GRID2IP: variants seen among roughly 807,000 people sequenced by gnomAD.
GRID2IP encodes Grid2 interacting protein.
In GRID2IP, 78 loss-of-function variants were observed where a neutral mutation model predicts 114.3. The ratio of observed to expected loss-of-function variants is 0.68; its 90% CI spans 0.57 to 0.82. GRID2IP has a LOEUF of 0.82. GRID2IP is among the 40% of genes least tolerant of loss of function. The pLI, the probability that GRID2IP is intolerant of heterozygous loss-of-function variation, is 0.00. For missense variants in GRID2IP, 1,727 were observed against 1,678.5 expected (o/e 1.03, Z -0.51); for synonymous variants, 809 against 724.0 (o/e 1.12, Z -1.89).
chr7:6,522,807 ATG>A (rs72277817), intron 4 of GRID2IP, among the ~76,000 whole-genome samples: 50,473 of 147,408 alleles, frequency 0.34, 8,925 homozygotes, highest in Admixed American at 0.41. Flanking sequence ...CCTGGCTAAT[ATG>A]TGTGTGTGTG....
chr7:6,503,814 G>C, intron 15 of GRID2IP, 127 bp from the exon 16 acceptor site: 2 of 638,960 alleles, frequency 3.1e-6, no homozygotes, highest in Non-Finnish European at 2.5e-6. Flanking sequence ...GAGAGGACGG[G>C]GCCTTGAGGC....
chr7:6,551,248 C>G lies in GRID2IP; in HGVS notation c.189G>C (p.Glu63Asp). ...AGCGCCGTGCCAGGCGCACGAGGCG[C>G]TCGCGGCTCAGACCGCCCACCGCCA... The part of the protein sequence containing the change: ...EGLAVGGLSR[E>D]RLVRLARRCP... Residue 63 changes from glutamate to aspartate, a missense_variant, in exon 1 of 22, where the codon GAG becomes GAC. Glu to Asp is a conservative substitution (Grantham distance 45). Coordinates refer to ENST00000457091, the MANE Select transcript of GRID2IP (RefSeq NM_001145118.2). 2.0e-6 allele frequency: 3 copies of G among 1,532,948 alleles called. No homozygotes were observed. Among genetic ancestry groups the G allele is most frequent in the Non-Finnish European group, 2.6e-6 (3 of 1,144,926 alleles). The allele number at this position is 1,532,948 out of a possible 1,614,324, so 95.0% of individuals were successfully genotyped here.
At chr7:6,517,060 CT>C (rs762838622) in intron 7 of GRID2IP, among the ~76,000 whole-genome samples, 3,819 of 142,656 alleles carry the variant, frequency 0.027, 70 homozygotes, top group Middle Eastern at 0.043. Flanking sequence ...GTCTTTCTTT[CT>C]TTTTTTTTTT....
Position 6,520,639 on chromosome 7 carries a change from G to C in GRID2IP, c.1207C>G (p.Leu403Val). 1 of 1,551,740 alleles carries C rather than the reference G, an allele frequency of 6.4e-7. No homozygotes were observed. Among genetic ancestry groups the C allele is most frequent in the Non-Finnish European group, 8.7e-7 (1 of 1,147,000 alleles). Residue 403 changes from leucine (L) to valine (V), a missense_variant, in exon 7 of 22, where the codon CTA (leucine) becomes GTA (valine). Coordinates refer to ENST00000457091, the MANE Select transcript of GRID2IP (RefSeq NM_001145118.2). The surrounding 1 kb of genome is among the most constrained non-coding windows in gnomAD (Gnocchi z 4.6). ...CCATAGCGCTCAGGAGGTGTGAGTA[G>C]GTGCTCCAGCTGCTGGCTGAAGGTC... ...GRTFSQQLEH[L>V]LTPPERYGVC...
intron 20 of GRID2IP, among the ~76,000 whole-genome samples, chr7:6,500,511 A>G (rs1583330661): frequency 6.6e-6 from 1 of 152,300 alleles, no homozygotes; most frequent in East Asian, 1.9e-4. Flanking sequence ...GATGGGGGTG[A>G]AAAGCACCTT....
rs1786710892 is a variant in GRID2IP, at chr7:6,509,795, CTCG to C, written c.1771+485_1772-483del. ...CATTTATCCAATAACCACTTGCTAA[CTCG>C]GGGACTTCCTCAGAATCAGGCATCT... On this transcript the variant is annotated intron_variant, in intron 11 of 21. Transcript: ENST00000457091. The surrounding 1 kb of genome is among the most constrained non-coding windows in gnomAD (Gnocchi z 4.9). Among the ~76,000 whole-genome samples, 1 of 152,210 alleles carries C rather than the reference CTCG, an allele frequency of 6.6e-6. No homozygotes were observed. The highest frequency in any genetic ancestry group is 2.4e-5 in the African/African-American group (1 of 41,464).
intron 1 of GRID2IP, 26 bp downstream of exon 1, chr7:6,550,982 C>CCCCACCT: frequency 8.4e-7 from 1 of 1,192,360 alleles, no homozygotes; most frequent in Non-Finnish European, 1.0e-6. Context: ...TCCTTCCCGC[C>CCCCACCT]CCCACCTCCC....
intron 4 of GRID2IP, among the ~76,000 whole-genome samples, chr7:6,522,534 T>C (rs1021695394): frequency 2.6e-5 from 4 of 152,070 alleles, no homozygotes; most frequent in Non-Finnish European, 4.4e-5. Context: ...AGGGTCTTGC[T>C]GAAGTGCAGA....
In GRID2IP at chr7:6,512,231, C is replaced by CTTTTTTTTTTTTTTTTTTTTTTTTTT. The variant is rs1002835555; in HGVS notation, c.1424-1193_1424-1192insAAAAAAAAAAAAAAAAAAAAAAAAAA. 3.9e-4 allele frequency among the ~76,000 whole-genome samples: 35 copies of CTTTTTTTTTTTTTTTTTTTTTTTTTT among 90,202 alleles called. 5 individuals carry two copies. Among genetic ancestry groups the CTTTTTTTTTTTTTTTTTTTTTTTTTT allele is most frequent in the African/African-American group, 1.4e-3 (30 of 21,714 alleles). The allele number at this position is 90,202 out of a possible 152,430, so 59.2% of individuals were successfully genotyped here. A position where few individuals can be genotyped will look rare whatever the true frequency, so the allele number is the denominator to read the frequency against. On this transcript the variant is annotated intron_variant, in intron 8 of 21. Transcript: ENST00000457091. ...CACACCTGCCTTTTTTTCTTTTCTT[C>CTTTTTTTTTTTTTTTTTTTTTTTTTT]TTTTTTTTTTTTTTTTTTGTGACAG...
intron 20 of GRID2IP, among the ~76,000 whole-genome samples, chr7:6,499,742 T>C (rs540438416): frequency 2.7e-5 from 4 of 150,060 alleles, no homozygotes; most frequent in Non-Finnish European, 5.9e-5. Flanking sequence ...GCCTTCATTT[T>C]ATTTTTGAGA....
chr7:6,500,850 T>G (rs1267719581), intron 20 of GRID2IP, among the ~76,000 whole-genome samples: 1 of 152,212 alleles, frequency 6.6e-6, no homozygotes, highest in Non-Finnish European at 1.5e-5. Context: ...TGTCACCCAC[T>G]GGCCAGGCCC....
At position 6,526,345 on chromosome 7, in the gene GRID2IP, G is replaced by C. The variant is rs1779510134; in HGVS notation, c.834-36C>G. The C allele has an allele frequency of 1.3e-6, 2 of 1,539,530 alleles. No individual in the cohort carries two copies. Among genetic ancestry groups the C allele is most frequent in the East Asian group, 2.4e-5 (1 of 40,862 alleles). The stretch of plus-strand genomic sequence containing the variant: ...AAGAAGGGGCGAGCAGCATGATGGA[G>C]AGGGGGCCCTGGGGCGCAGAGGTTG... On this transcript the variant is annotated intron_variant, in intron 3 of 21. Transcript: ENST00000457091. The surrounding 1 kb of genome is among the most constrained non-coding windows in gnomAD (Gnocchi z 7.6).
chr7:6,527,760 A>T (rs1314195482), intron 2 of GRID2IP, among the ~76,000 whole-genome samples: 3 of 142,280 alleles, frequency 2.1e-5, no homozygotes, highest in East Asian at 2.0e-4. Context: ...CACCAGGCTA[A>T]TTTTTTTTTT....
chr7:6,529,962 T>TC (rs543552942), intron 2 of GRID2IP, among the ~76,000 whole-genome samples: 3,087 of 24,568 alleles, frequency 0.13, 53 homozygotes, highest in Non-Finnish European at 0.25. Flanking sequence ...TCTCTCTCTC[T>TC]TTTTTTTTTT....
intron 2 of GRID2IP, among the ~76,000 whole-genome samples, chr7:6,530,403 A>G (rs1583348855): frequency 6.6e-6 from 1 of 151,990 alleles, no homozygotes; most frequent in African/African-American, 2.4e-5. Flanking sequence ...ATCTGGGGCT[A>G]CAGGCATGCA....
rs937505798 is a variant in GRID2IP at position 6,534,744 on chromosome 7, G to T, written c.584+4974C>A. 6.6e-6 allele frequency among the ~76,000 whole-genome samples: 1 copy of T among 151,808 alleles called. No individual in the cohort carries two copies. The highest frequency in any genetic ancestry group is 2.4e-5 in the African/African-American group (1 of 41,296). The stretch of plus-strand genomic sequence containing the variant: ...TTTTTTTGGAACAGAGTCTGGCTCT[G>T]TCACCCAGGCTGGAGGCTGGAGTGC... On this transcript the variant is annotated intron_variant, in intron 2 of 21. Transcript: ENST00000457091. This position sits in a 1 kb window ranked among gnomAD's most constrained non-coding sequence, Gnocchi z 4.5.
intron 1 of GRID2IP, among the ~76,000 whole-genome samples, chr7:6,544,982 G>A: frequency 6.6e-6 from 1 of 152,196 alleles, no homozygotes. Context: ...AGCTACTCGG[G>A]AGGCTGAGGC....
In GRID2IP at chr7:6,536,036, C is replaced by A. The variant is rs1402144778; in HGVS notation, c.584+3682G>T. On this transcript the variant is annotated intron_variant, in intron 2 of 21. Coordinates refer to ENST00000457091, the MANE Select transcript of GRID2IP (RefSeq NM_001145118.2). This position sits in a 1 kb window ranked among gnomAD's most constrained non-coding sequence, Gnocchi z 5.3. ...TCAACTGGCACCCAACCCTGGGAAT[C>A]ACAGCTGCGTCTGTGGCTTCTCCAT... Among the ~76,000 whole-genome samples the A allele has an allele frequency of 6.6e-6, 1 of 152,218 alleles. No individual in the cohort carries two copies. The highest frequency in any genetic ancestry group is 1.5e-5 in the Non-Finnish European group (1 of 68,038).
At chr7:6,541,938 G>T (rs916553247) in intron 1 of GRID2IP, among the ~76,000 whole-genome samples, 2 of 152,112 alleles carry the variant, frequency 1.3e-5, no homozygotes, top group Non-Finnish European at 2.9e-5. Context: ...TGACAGTGGG[G>T]GCTAAATAAT....
Sources: gnomAD v4.1 joint callset for allele counts (sites outside exome capture counted in the v4.1 genomes callset) on GRCh38, gnomAD v4.1.1 for gene constraint, Gnocchi (gnomAD v3.1) non-coding constraint, MANE v1.5 for transcripts, NCBI Gene and HGNC (gene_info 2026-07-23, HGNC 2026-07-21) for gene names.